Variants in POLR1D observed in about 807,000 individuals in gnomAD.
POLR1D encodes the protein RNA polymerase I and III subunit D, also known as DNA-directed RNA polymerases I and III subunit RPAC2.
Under a neutral mutation model 10.8 loss-of-function variants are expected in POLR1D, and 8 were observed. The ratio of observed to expected loss-of-function variants is 0.74; its 90% CI spans 0.43 to 1.33. The LOEUF is 1.33. Ranked by LOEUF, POLR1D falls within the 40% of genes most tolerant of loss-of-function variation. The probability of loss-of-function intolerance (pLI) is 0.01; values close to 1 mark genes in which losing one functional copy is unlikely to be tolerated. For missense variants in POLR1D, 152 were observed against 161.7 expected (o/e 0.94, Z 0.32); for synonymous variants, 54 against 57.2 (o/e 0.94, Z 0.25).
chr13:27,667,294 G>A, exon 3 of POLR1D: 1 of 152,060 alleles, frequency 6.6e-6, no homozygotes, highest in East Asian at 1.9e-4. Context: ...TTATGTATTG[G>A]CCTAAATTAT....
chr13:27,652,497 T>C (rs1338909291), intron 2 of POLR1D, among the ~76,000 whole-genome samples: 1 of 152,218 alleles, frequency 6.6e-6, no homozygotes, highest in African/African-American at 2.4e-5. Flanking sequence ...ATGACTCTTT[T>C]CTACATAGTC....
intron 1 of POLR1D, among the ~76,000 whole-genome samples, chr13:27,636,768 A>G (rs1956128306): frequency 6.6e-6 from 1 of 152,132 alleles, no homozygotes; most frequent in South Asian, 2.1e-4. Context: ...TGCGGTCTCA[A>G]TTGGGTACCT....
chr13:27,660,187 A>G (rs943710917), intron 2 of POLR1D, among the ~76,000 whole-genome samples: 2 of 152,194 alleles, frequency 1.3e-5, no homozygotes, highest in Non-Finnish European at 2.9e-5. Context: ...TAGTTGTGGC[A>G]GCATTAAACA....
chr13:27,626,860 A>G (rs543625732), downstream of POLR1D, among the ~76,000 whole-genome samples: 67 of 152,334 alleles, frequency 4.4e-4, no homozygotes, highest in African/African-American at 1.5e-3. Flanking sequence ...AAGTACTCTA[A>G]TTAGTTGGCA....
intron 1 of POLR1D, among the ~76,000 whole-genome samples, chr13:27,645,388 G>A (rs547116663): frequency 6.6e-5 from 10 of 152,214 alleles, no homozygotes; most frequent in African/African-American, 2.4e-4. Flanking sequence ...AAAAACAGAG[G>A]TTGGGTTTTG....
chr13:27,645,568 T>A (rs685413), intron 1 of POLR1D, among the ~76,000 whole-genome samples: 6 of 151,420 alleles, frequency 4.0e-5, no homozygotes, highest in African/African-American at 1.2e-4. Flanking sequence ...GCTCTATATC[T>A]TCATTAGTTG....
At chr13:27,665,592 G>A (rs1007479267) in intron 2 of POLR1D, 2 of 1,124,510 alleles carry the variant, frequency 1.8e-6, no homozygotes, top group Non-Finnish European at 2.7e-6. Flanking sequence ...TTCTGTGGGA[G>A]CAGGATTCTT....
intron 2 of POLR1D, among the ~76,000 whole-genome samples, chr13:27,653,763 A>G (rs1195274553): frequency 3.9e-5 from 6 of 152,210 alleles, no homozygotes; most frequent in Non-Finnish European, 8.8e-5. Flanking sequence ...AAATAACTAT[A>G]TTTGCAAAAC....
chr13:27,633,336 A>G (rs896234333), intron 1 of POLR1D, among the ~76,000 whole-genome samples: 1 of 152,188 alleles, frequency 6.6e-6, no homozygotes, highest in African/African-American at 2.4e-5. Context: ...AAGGCCGACA[A>G]TGTTGGTTTT....
intron 1 of POLR1D, among the ~76,000 whole-genome samples, chr13:27,646,985 A>G (rs1349416922): frequency 6.6e-6 from 1 of 152,224 alleles, no homozygotes; most frequent in Non-Finnish European, 1.5e-5. Flanking sequence ...GTGTCATAAC[A>G]TTTTAATATA....
intron 1 of POLR1D, among the ~76,000 whole-genome samples, chr13:27,635,796 C>T: frequency 6.7e-6 from 1 of 149,800 alleles, no homozygotes; most frequent in East Asian, 2.0e-4. Flanking sequence ...GTAGAAATAT[C>T]TTCATTTTAA....
intron 1 of POLR1D, among the ~76,000 whole-genome samples, chr13:27,641,679 A>G (rs530760815): frequency 6.6e-6 from 1 of 152,204 alleles, no homozygotes; most frequent in Non-Finnish European, 1.5e-5. Flanking sequence ...TGGGGACTTC[A>G]TGTGCCCCTC....
At chr13:27,633,178 A>G (rs1956090548) in intron 1 of POLR1D, among the ~76,000 whole-genome samples, 1 of 152,170 alleles carries the variant, frequency 6.6e-6, no homozygotes, top group African/African-American at 2.4e-5. Context: ...TCTGATAGAT[A>G]TTGCCAGGTA....
At chr13:27,645,801 ATCT>A (rs1399275533) in intron 1 of POLR1D, among the ~76,000 whole-genome samples, 12 of 152,136 alleles carry the variant, frequency 7.9e-5, no homozygotes, top group African/African-American at 2.9e-4. Flanking sequence ...TCATACATAT[ATCT>A]TCTTTTCTCT....
chr13:27,623,282 T>C lies in POLR1D; in HGVS notation c.*32T>C, dbSNP rs1227634191. 3 of 1,612,448 alleles carry C rather than the reference T, an allele frequency of 1.9e-6. No homozygotes were observed. The highest frequency in any genetic ancestry group is 1.1e-5 in the South Asian group (1 of 90,362). On this transcript the variant is annotated 3_prime_UTR_variant, in exon 2 of 2. Coordinates refer to ENST00000302979, the MANE Select transcript of POLR1D (RefSeq NM_015972.4). ...ATGCAGTATACAAGGAGAACTGTCC[T>C]GTAGGATATTCTCTTCCTGATGGTG...
At chr13:27,634,674 G>GC (rs1385202978) in intron 1 of POLR1D, among the ~76,000 whole-genome samples, 2 of 136,084 alleles carry the variant, frequency 1.5e-5, no homozygotes. Context: ...CATAGACTCT[G>GC]CTTTTTTTTT....
intron 2 of POLR1D, chr13:27,664,796 TTTTG>T (rs1397199168): frequency 6.6e-6 from 1 of 152,224 alleles, no homozygotes; most frequent in Non-Finnish European, 1.5e-5. Flanking sequence ...CTACATTCGT[TTTTG>T]TTTAATACCA....
chr13:27,628,484 T>A (rs1465659523), intron 1 of POLR1D, among the ~76,000 whole-genome samples: 2 of 152,056 alleles, frequency 1.3e-5, no homozygotes, highest in Non-Finnish European at 2.9e-5. Flanking sequence ...TCTGAGGAGG[T>A]AACATTTGAG....
chr13:27,641,846 C>T (rs1334740634), intron 1 of POLR1D, among the ~76,000 whole-genome samples: 1 of 152,138 alleles, frequency 6.6e-6, no homozygotes, highest in African/African-American at 2.4e-5. Flanking sequence ...CTGGGCAAAG[C>T]TCCCCCGTGC....
Sources: gnomAD v4.1 joint callset for allele counts (sites outside exome capture counted in the v4.1 genomes callset) on GRCh38, gnomAD v4.1.1 for gene constraint, MANE v1.5 for transcripts, NCBI Gene and HGNC (gene_info 2026-07-23, HGNC 2026-07-21) for gene names.